The following UGT2A1 variants were observed in gnomAD, a reference collection of about 807,000 sequenced individuals.
UGT2A1 encodes UDP glucuronosyltransferase family 2 member A1 complex locus.
Under a neutral mutation model 45.4 loss-of-function variants are expected in UGT2A1, and 61 were observed. The observed-to-expected ratio is 1.34, with a 90% confidence interval of 1.09 to 1.66. The LOEUF (loss-of-function observed/expected upper bound fraction) is 1.66, where lower values mean the gene tolerates loss of function less well. Ranked by LOEUF, UGT2A1 falls within the 40% of genes most tolerant of loss-of-function variation. The pLI is 0.00. For synonymous variants in UGT2A1, 229 were observed against 196.2 expected, an observed-to-expected ratio of 1.17 and a Z score of -1.40; for missense variants, 649 against 574.3, an observed-to-expected ratio of 1.13 and a Z score of -1.33.
At chr4:69,631,918 C>G (rs1560489094) in intron 3 of UGT2A1, among the ~76,000 whole-genome samples, 2 of 152,128 alleles carry the variant, frequency 1.3e-5, no homozygotes, top group African/African-American at 4.8e-5. Context: ...CAAGAAAAGA[C>G]AGAAAATATC....
In UGT2A1 at chr4:69,595,335, C is replaced by A. The variant is rs1718859403; in HGVS notation, c.997-86G>T. 2.0e-6 allele frequency: 3 copies of A among 1,494,880 alleles called. No individual in the cohort carries two copies. The African/African-American group carries it at 4.2e-5, about 21-fold the overall frequency. The allele number at this position is 1,494,880 out of a possible 1,614,324, so 92.6% of individuals were successfully genotyped here. On this transcript the variant is annotated intron_variant, in intron 4 of 6. Coordinates refer to ENST00000286604, the MANE Select transcript of UGT2A1 (RefSeq NM_001252275.3). The stretch of plus-strand genomic sequence containing the variant: ...GAGAATTATTTAGAAATCATTTAGC[C>A]AGCTACTTGGAAGACGGGAATTACA...
chr4:69,594,408 TG>T, intron 6 of UGT2A1, 68 bp downstream of exon 6: 1 of 1,553,226 alleles, frequency 6.4e-7, no homozygotes, highest in Non-Finnish European at 8.7e-7. Context: ...TATAAAAGAA[TG>T]TACATTTTCT....
chr4:69,589,235 A>C lies in UGT2A1; in HGVS notation c.*137T>G. The C allele has an allele frequency of 8.8e-7, 1 of 1,130,362 alleles. No individual in the cohort carries two copies. Among genetic ancestry groups the C allele is most frequent in the Non-Finnish European group, 1.2e-6 (1 of 834,876 alleles). The allele number at this position is 1,130,362 out of a possible 1,614,324, so 70.0% of individuals were successfully genotyped here. The stretch of plus-strand genomic sequence containing the variant: ...TAGGCTTTATCAGTAGGCTTATCGC[A>C]GGTAGAGAAATAGAAAATTTGGAAA... On this transcript the variant is annotated 3_prime_UTR_variant, in exon 7 of 7. Transcript: ENST00000286604.
In UGT2A1 at chr4:69,589,102, G is replaced by C; in HGVS notation, c.*270C>G. The C allele has an allele frequency of 3.5e-6, 1 of 287,852 alleles. No individual in the cohort carries two copies. Among genetic ancestry groups the C allele is most frequent in the African/African-American group, 2.2e-5 (1 of 46,136 alleles). 17.8% of individuals were successfully genotyped at this position (287,852 alleles called of 1,614,324 possible). A position where few individuals can be genotyped will look rare whatever the true frequency, so the allele number is the denominator to read the frequency against. On this transcript the variant is annotated 3_prime_UTR_variant, in exon 7 of 7. Coordinates refer to ENST00000286604, the MANE Select transcript of UGT2A1 (RefSeq NM_001252275.3). ...AATAGAACATATTTAAAATTAGGTA[G>C]TATCCTTGTGTCAGAAAAGTGACAG...
intron 2 of UGT2A1, among the ~76,000 whole-genome samples, chr4:69,637,020 A>C (rs1049821735): frequency 6.6e-6 from 1 of 152,146 alleles, no homozygotes. Flanking sequence ...AGTAGCTGCA[A>C]TAATCACTAT....
chr4:69,626,115 C>CT (rs1316531002), intron 3 of UGT2A1, among the ~76,000 whole-genome samples: 3 of 150,736 alleles, frequency 2.0e-5, no homozygotes, highest in African/African-American at 7.3e-5. Context: ...TACTTCATAA[C>CT]TTTTTTTTCT....
Position 69,589,322 on chromosome 4 carries a change from T to C in UGT2A1, c.*50A>G. ...TCTGGAATTAATAGGACTACACTACTCAGGATTTTGCCAAACTTAAAAATA... is the reference window on the plus strand; with the variant it reads ...TCTGGAATTAATAGGACTACACTACCCAGGATTTTGCCAAACTTAAAAATA... On this transcript the variant is annotated 3_prime_UTR_variant, in exon 7 of 7. Coordinates refer to ENST00000286604, the MANE Select transcript of UGT2A1 (RefSeq NM_001252275.3). The C allele has an allele frequency of 6.6e-7, 1 of 1,518,250 alleles. No homozygotes were observed. Among genetic ancestry groups the C allele is most frequent in the South Asian group, 1.3e-5 (1 of 75,934 alleles). The allele number at this position is 1,518,250 out of a possible 1,614,324, so 94.0% of individuals were successfully genotyped here. A position where few individuals can be genotyped will look rare whatever the true frequency, so the allele number is the denominator to read the frequency against.
intron 3 of UGT2A1, among the ~76,000 whole-genome samples, chr4:69,607,309 G>A (rs550505214): frequency 1.3e-5 from 2 of 151,326 alleles, no homozygotes; most frequent in Non-Finnish European, 2.9e-5. Context: ...ACAAAAACAA[G>A]AAATGGGGAA....
chr4:69,596,365 A>G, intron 4 of UGT2A1: 1 of 1,598,332 alleles, frequency 6.3e-7, no homozygotes, highest in Non-Finnish European at 8.5e-7. Flanking sequence ...TGAGCTCTGG[A>G]TAAATTCTTC....
intron 3 of UGT2A1, among the ~76,000 whole-genome samples, chr4:69,626,192 T>A (rs895841083): frequency 6.6e-6 from 1 of 151,480 alleles, no homozygotes; most frequent in African/African-American, 2.4e-5. Flanking sequence ...CGCTTTGATC[T>A]GGTAGAGAGA....
chr4:69,608,437 G>A (rs1415785460), intron 3 of UGT2A1, among the ~76,000 whole-genome samples: 1 of 149,044 alleles, frequency 6.7e-6, no homozygotes, highest in African/African-American at 2.5e-5. Flanking sequence ...GGGGGAGGGG[G>A]GAAGGATAGC....
At chr4:69,593,967 CT>C (rs200066453) in intron 6 of UGT2A1, among the ~76,000 whole-genome samples, 1 of 107,812 alleles carries the variant, frequency 9.3e-6, no homozygotes. Context: ...TATTTGAAGT[CT>C]TTTTTTTTGT....
At chr4:69,604,299 T>A (rs1719470597) in intron 3 of UGT2A1, among the ~76,000 whole-genome samples, 1 of 132,308 alleles carries the variant, frequency 7.6e-6, no homozygotes, top group Non-Finnish European at 1.6e-5. Context: ...AACCCAGAAT[T>A]TCATATCTAG....
chr4:69,591,457 A>G (rs568943403), intron 6 of UGT2A1, among the ~76,000 whole-genome samples: 1 of 152,296 alleles, frequency 6.6e-6, no homozygotes, highest in East Asian at 1.9e-4. Context: ...CTGGGTTAAG[A>G]TAAAGGATTG....
In UGT2A1 at chr4:69,644,847, C is replaced by T. The variant is rs148259019; in HGVS notation, c.715+2083G>A. Among the ~76,000 whole-genome samples the T allele has an allele frequency of 5.4e-3, 813 of 151,878 alleles. 5 individuals are homozygous for T. The highest frequency in any genetic ancestry group is 0.018 in the African/African-American group (758 of 41,504). On this transcript the variant is annotated intron_variant, in intron 2 of 6. Transcript: ENST00000286604. ...TCATTCACATGGCTGTAGTATCTCA[C>T]ATCCTCATTCACATACTAACCTATG...
chr4:69,599,069 T>A (rs549992117), intron 4 of UGT2A1, among the ~76,000 whole-genome samples, 177 bp downstream of exon 4: 4 of 152,184 alleles, frequency 2.6e-5, no homozygotes, highest in African/African-American at 9.6e-5. Flanking sequence ...ATTGTCAATG[T>A]AAAGTTCAAA....
chr4:69,647,722 C>A (rs1237539375), intron 1 of UGT2A1, 24 bp from the exon 2 acceptor site: 5 of 1,080,352 alleles, frequency 4.6e-6, no homozygotes, highest in Non-Finnish European at 6.4e-6. Flanking sequence ...AAAGGAAAGA[C>A]AAAATTATTT....
At chr4:69,631,003 T>A (rs979930248) in intron 3 of UGT2A1, among the ~76,000 whole-genome samples, 1 of 152,182 alleles carries the variant, frequency 6.6e-6, no homozygotes, top group African/African-American at 2.4e-5. Flanking sequence ...TGTGATAGGA[T>A]GTCCCAGCTC....
At chr4:69,614,174 T>C (rs1261434925) in intron 3 of UGT2A1, among the ~76,000 whole-genome samples, 1 of 152,008 alleles carries the variant, frequency 6.6e-6, no homozygotes, top group African/African-American at 2.4e-5. Flanking sequence ...CATTTCTATA[T>C]GCCAACAGTG....
Sources: gnomAD v4.1 joint callset for allele counts (sites outside exome capture counted in the v4.1 genomes callset) on GRCh38, gnomAD v4.1.1 for gene constraint, MANE v1.5 for transcripts, NCBI Gene and HGNC (gene_info 2026-07-23, HGNC 2026-07-21) for gene names.